SMG6: variants seen among roughly 807,000 people sequenced by gnomAD.
The protein encoded by SMG6 is SMG6 nonsense mediated mRNA decay factor.
In SMG6, 66 loss-of-function variants were observed where a neutral mutation model predicts 142.2. The ratio of observed to expected loss-of-function variants is 0.46; its 90% confidence interval spans 0.38 to 0.57. The LOEUF (loss-of-function observed/expected upper bound fraction) is 0.57. Among genes scored for constraint, SMG6 ranks in the 20% least tolerant of loss-of-function variants. The pLI is 0.00. For missense variants in SMG6, 1,793 were observed against 1,832.0 expected (o/e 0.98, Z 0.39); for synonymous variants, 779 against 702.4 (o/e 1.11, Z -1.72).
chr17:2,279,707 T>A (rs1018729011), intron 8 of SMG6, among the ~76,000 whole-genome samples: 16 of 152,242 alleles, frequency 1.1e-4, no homozygotes, highest in Admixed American at 2.6e-4. Context: ...TGGTACTGAC[T>A]GGATGTGGGG....
chr17:2,270,545 C>A (rs558385101), intron 8 of SMG6, among the ~76,000 whole-genome samples: 1 of 152,072 alleles, frequency 6.6e-6, no homozygotes, highest in Non-Finnish European at 1.5e-5. Flanking sequence ...GAGATGGAGG[C>A]TTCAGTGAGC....
At chr17:2,162,514 T>A (rs1221774341) in intron 13 of SMG6, among the ~76,000 whole-genome samples, 5 of 57,768 alleles carry the variant, frequency 8.7e-5, no homozygotes, top group African/African-American at 2.4e-4. Flanking sequence ...ACTCCCCATC[T>A]CAGAAAAAAA....
chr17:2,274,196 A>G (rs1359412208), intron 8 of SMG6, among the ~76,000 whole-genome samples: 1 of 152,238 alleles, frequency 6.6e-6, no homozygotes, highest in Non-Finnish European at 1.5e-5. Flanking sequence ...TATGCCCTAT[A>G]AAGTAATTTA....
Position 2,068,801 on chromosome 17 carries a change from T to C in SMG6, c.3812A>G (p.Tyr1271Cys). ...SLARLLESRK[Y>C]ILVVPLIVIN... ...ACCGATGAGGGGCACCACCAGGATG[T>C]ACTTCCTGCTCTCCAGCAGCCGCGC... The change falls in exon 16 of 19, where the codon TAC (tyrosine) becomes TGC (cysteine). Residue 1271 changes from tyrosine (Y) to cysteine (C), a missense_variant. Tyr to Cys is a radical substitution (Grantham distance 194). Transcript: ENST00000263073. This position sits in a 1 kb window ranked among gnomAD's most constrained non-coding sequence, Gnocchi z 6.7. 6.2e-7 allele frequency: 1 copy of C among 1,614,196 alleles called. No individual in the cohort carries two copies. Among genetic ancestry groups the C allele is most frequent in the Middle Eastern group, 1.7e-4 (1 of 6,060 alleles).
rs367626425 is a variant in SMG6 at position 2,158,880 on chromosome 17, T to G, written c.3357+13778A>C. 1.6e-3 allele frequency among the ~76,000 whole-genome samples: 241 copies of G among 147,224 alleles called. 2 individuals are homozygous for G. The highest frequency in any genetic ancestry group is 5.7e-3 in the African/African-American group (228 of 39,912). On this transcript the variant is annotated intron_variant, in intron 13 of 18. Transcript: ENST00000263073. ...TGTTTCAAAAAAAAAAAAAAAAAGT[T>G]TGCTGTTCAAGACTATGTTTAAAAA...
intron 10 of SMG6, chr17:2,232,896 G>A (rs927776514): frequency 1.3e-5 from 2 of 152,200 alleles, no homozygotes. Flanking sequence ...GAAAGGCAAA[G>A]ATGCCATTCT....
At chr17:2,159,493 T>C (rs956997818) in intron 13 of SMG6, among the ~76,000 whole-genome samples, 5 of 152,126 alleles carry the variant, frequency 3.3e-5, no homozygotes, top group Non-Finnish European at 7.4e-5. Context: ...TCACACTTAC[T>C]AGCATGTCTA....
At chr17:2,263,604 C>CA (rs1474543578) in intron 8 of SMG6, among the ~76,000 whole-genome samples, 2 of 152,050 alleles carry the variant, frequency 1.3e-5, no homozygotes, top group South Asian at 2.1e-4. Flanking sequence ...ATCAGAAAGA[C>CA]AGAGGGTACA....
At chr17:2,167,595 C>G (rs1385465455) in intron 13 of SMG6, among the ~76,000 whole-genome samples, 2 of 152,216 alleles carry the variant, frequency 1.3e-5, no homozygotes, top group Non-Finnish European at 2.9e-5. Context: ...TTCAAATTCA[C>G]TTATGGTGCC....
At chr17:2,261,758 G>C (rs1302800944) in intron 8 of SMG6, among the ~76,000 whole-genome samples, 1 of 152,166 alleles carries the variant, frequency 6.6e-6, no homozygotes, top group Admixed American at 6.5e-5. Context: ...AAGAAATTTA[G>C]GAATGCAACC....
intron 9 of SMG6, 163 bp from the exon 10 acceptor site, chr17:2,236,800 C>G: frequency 7.6e-7 from 1 of 1,316,260 alleles, no homozygotes. Flanking sequence ...CACAAACCTT[C>G]CCGGTATCCT....
At chr17:2,093,223 G>A (rs1288348097) in intron 13 of SMG6, among the ~76,000 whole-genome samples, 1 of 151,472 alleles carries the variant, frequency 6.6e-6, no homozygotes, top group Non-Finnish European at 1.5e-5. Context: ...AGACAAGCCT[G>A]GGCAACATAG....
At chr17:2,111,412 G>C (rs560426737) in intron 13 of SMG6, among the ~76,000 whole-genome samples, 25 of 152,176 alleles carry the variant, frequency 1.6e-4, no homozygotes, top group African/African-American at 6.0e-4. Context: ...TTCTTATCTC[G>C]CTCAAAGAGG....
rs950195367 is a variant in SMG6, at chr17:2,172,875, T to A, written c.3156-16A>T. 1.2e-5 allele frequency: 19 copies of A among 1,612,736 alleles called. No individual in the cohort carries two copies. Among genetic ancestry groups the A allele is most frequent in the Non-Finnish European group, 1.6e-5 (19 of 1,178,950 alleles). On this transcript the variant is annotated splice_polypyrimidine_tract_variant and intron_variant, in intron 12 of 18. Transcript: ENST00000263073. ...CACAGCAACACTGTGAGAAATAAGG[T>A]AAGAAAAGAGCAGCTCTAAAGAGGG...
chr17:2,268,248 T>G (rs2074466827), intron 8 of SMG6, among the ~76,000 whole-genome samples: 1 of 152,124 alleles, frequency 6.6e-6, no homozygotes, highest in African/African-American at 2.4e-5. Context: ...GCTCTCAAAC[T>G]ATAAACCTAA....
At chr17:2,159,558 G>T (rs558616317) in intron 13 of SMG6, among the ~76,000 whole-genome samples, 2 of 152,236 alleles carry the variant, frequency 1.3e-5, no homozygotes, top group South Asian at 4.1e-4. Context: ...CAACTAGAAC[G>T]CTCACATATT....
intron 6 of SMG6, among the ~76,000 whole-genome samples, chr17:2,287,209 G>T (rs2074927718): frequency 6.6e-6 from 1 of 152,242 alleles, no homozygotes; most frequent in Non-Finnish European, 1.5e-5. Flanking sequence ...GTGAGCCACT[G>T]GGCCCGGCTA....
chr17:2,223,750 C>A (rs78803203), intron 10 of SMG6, among the ~76,000 whole-genome samples: 1,555 of 152,198 alleles, frequency 0.01, 32 homozygotes, highest in African/African-American at 0.034. Context: ...ACACTGGACA[C>A]CTCTTGGAAA....
intron 13 of SMG6, among the ~76,000 whole-genome samples, chr17:2,098,227 C>A (rs916600856): frequency 2.6e-5 from 4 of 152,166 alleles, no homozygotes; most frequent in African/African-American, 9.7e-5. Flanking sequence ...TTTAAGGAAT[C>A]CTCCTGCCTC....
Sources: allele counts gnomAD v4.1 joint callset (sites outside exome capture counted in the v4.1 genomes callset), GRCh38; gene constraint gnomAD v4.1.1; non-coding constraint Gnocchi (gnomAD v3.1); transcripts MANE v1.5; gene names NCBI Gene and HGNC (gene_info 2026-07-23, HGNC 2026-07-21).